Variants in MORC4 observed in about 807,000 individuals in gnomAD.
MORC4 encodes the protein MORC family CW-type zinc finger protein 4.
In MORC4, 22 loss-of-function variants were observed where a neutral mutation model predicts 65.5. The ratio of observed to expected loss-of-function variants is 0.34; its 90% CI spans 0.24 to 0.48. The LOEUF (loss-of-function observed/expected upper bound fraction) is 0.48, where lower values mean the gene tolerates loss of function less well. Ranked by LOEUF, MORC4 falls within the 20% of genes least tolerant of loss-of-function variation. The pLI, the probability that MORC4 is intolerant of heterozygous loss-of-function variation, is 0.99. For missense variants in MORC4, 624 were observed against 703.0 expected (o/e 0.89, Z 1.27); for synonymous variants, 267 against 255.8 (o/e 1.04, Z -0.42).
intron 8 of MORC4, among the ~76,000 whole-genome samples, chrX:106,977,147 C>T (rs1351476070): frequency 1.8e-5 from 2 of 111,972 alleles, no homozygotes. Flanking sequence ...TTCCCACATA[C>T]ATAGGCCACC....
intron 14 of MORC4, among the ~76,000 whole-genome samples, chrX:106,952,132 C>T (rs1168524593): frequency 1.8e-5 from 2 of 108,933 alleles, no homozygotes; most frequent in East Asian, 2.8e-4. Context: ...TACCCTAGAA[C>T]AGGGCCTTTC....
At chrX:106,964,311 A>AT (rs775081204) in intron 9 of MORC4, among the ~76,000 whole-genome samples, 13 of 112,175 alleles carry the variant, frequency 1.2e-4, no homozygotes, top group African/African-American at 4.2e-4. Context: ...GAACTTGAAG[A>AT]TAAAAAATGG....
chrX:106,980,655 A>G (rs888004555), intron 7 of MORC4, among the ~76,000 whole-genome samples: 3 of 111,481 alleles, frequency 2.7e-5, no homozygotes, highest in African/African-American at 9.8e-5. Context: ...CTGAACCAGA[A>G]TCTCCAAAGT....
At chrX:106,997,983 T>C (rs1345155667) in intron 2 of MORC4, among the ~76,000 whole-genome samples, 1 of 112,387 alleles carries the variant, frequency 8.9e-6, no homozygotes, top group African/African-American at 3.2e-5. Context: ...AGACAAAGCA[T>C]AAACCTTCTG....
Position 106,992,526 on chromosome X carries a change from C to A in MORC4, c.308+704G>T, listed in dbSNP as rs762887864. On this transcript the variant is annotated intron_variant, in intron 3 of 16. Coordinates refer to ENST00000355610, the MANE Select transcript of MORC4 (RefSeq NM_024657.5). Reference sequence around the variant, plus strand: ...TAGTATAAATTTACGTTCTCAACTACAAATGTTTTAAAGTGATTAAATGAA... The same window carrying A: ...TAGTATAAATTTACGTTCTCAACTAAAAATGTTTTAAAGTGATTAAATGAA... 4.4e-5 allele frequency among the ~76,000 whole-genome samples: 5 copies of A among 112,613 alleles called. No homozygotes were observed. In the East Asian group the frequency reaches 1.4e-3, roughly 31 times the overall value.
intron 3 of MORC4, among the ~76,000 whole-genome samples, 157 bp downstream of exon 3, chrX:106,993,073 A>G (rs901556038): frequency 2.7e-5 from 3 of 113,150 alleles, no homozygotes; most frequent in Non-Finnish European, 5.6e-5. Flanking sequence ...GGGAAGGAAC[A>G]GTATTTGTTT....
chrX:106,985,873 T>C lies in MORC4; in HGVS notation c.526+110A>G, dbSNP rs774679592. 1.2e-5 allele frequency: 7 copies of C among 590,691 alleles called. No homozygotes were observed. In the South Asian group the frequency reaches 2.1e-4, roughly 18 times the overall value. The allele number at this position is 590,691 out of a possible 1,213,427, so 48.7% of individuals were successfully genotyped here. A position where few individuals can be genotyped will look rare whatever the true frequency, so the allele number is the denominator to read the frequency against. ...CCCAGTTAAATTTAAGACATTTGAA[T>C]ACCTCTTTTAAAACTTCTGACAGTT... On this transcript the variant is annotated intron_variant, in intron 4 of 16. Transcript: ENST00000355610.
Position 106,980,169 on chromosome X carries a change from G to A in MORC4, c.936+722C>T, listed in dbSNP as rs144332242. ...TTTCAGCCTTTCAAAGATGTTTTCT[G>A]CCCCAAAAGCCATCAACAAAGTTGT... is the stretch of plus-strand genomic sequence containing the variant. On this transcript the variant is annotated intron_variant, in intron 7 of 16. Transcript: ENST00000355610. Among the ~76,000 whole-genome samples the A allele has an allele frequency of 6.7e-3, 743 of 110,803 alleles. 6 individuals are homozygous for A. Among genetic ancestry groups the A allele is most frequent in the Non-Finnish European group, 0.011 (593 of 52,735 alleles).
rs762308878 is a variant in MORC4 at position 106,985,083 on chromosome X, T to C, written c.674+13A>G. 1 of 1,170,287 alleles carries C rather than the reference T, an allele frequency of 8.5e-7. No homozygotes were observed. The highest frequency in any genetic ancestry group is 1.2e-6 in the Non-Finnish European group (1 of 868,801). ...TTTGTTTATTAGAATCTATCACCCT[T>C]GGAATACTATACCTGCGGATGTTCC... On this transcript the variant is annotated intron_variant, in intron 5 of 16. Transcript: ENST00000355610.
chrX:106,990,879 A>AT lies in MORC4; in HGVS notation c.308+2350dup, dbSNP rs951783170. Among the ~76,000 whole-genome samples the AT allele has an allele frequency of 1.2e-4, 13 of 110,413 alleles. No homozygotes were observed. The East Asian group carries it at 1.4e-3, about 12-fold the overall frequency. On this transcript the variant is annotated intron_variant, in intron 3 of 16. Transcript: ENST00000355610. ...AAGAGTGAAACTCCATCTCAAAAAA[A>AT]TTTTTTTTTAATTAAAAAAAAAGGT... is the stretch of plus-strand genomic sequence containing the variant.
chrX:106,941,855 T>C, intron 16 of MORC4, 83 bp downstream of exon 16: 1 of 1,023,430 alleles, frequency 9.8e-7, no homozygotes, highest in Non-Finnish European at 1.3e-6. Context: ...GCTTCCTCCT[T>C]TGTCTACGGC....
chrX:106,955,797 T>TTAC (rs1175296375), intron 13 of MORC4, among the ~76,000 whole-genome samples: 2 of 111,029 alleles, frequency 1.8e-5, no homozygotes. Context: ...CCTACCCTGA[T>TTAC]TGAGTGAGTG....
chrX:106,949,461 CATA>C lies in MORC4; in HGVS notation c.1685+5449_1685+5451del, dbSNP rs755381497. ...CACTTCCCTGTTTCTCTTCATGTTT[CATA>C]ATTTTTGTTGACAACTGGACATTTT... is the stretch of plus-strand genomic sequence containing the variant. On this transcript the variant is annotated intron_variant, in intron 14 of 16. Coordinates refer to ENST00000355610, the MANE Select transcript of MORC4 (RefSeq NM_024657.5). Among the ~76,000 whole-genome samples, 348 of 112,241 alleles carry C rather than the reference CATA, an allele frequency of 3.1e-3. 4 individuals are homozygous for C. Among genetic ancestry groups the C allele is most frequent in the African/African-American group, 9.6e-3 (298 of 30,924 alleles).
At position 106,995,085 on chromosome X, in the gene MORC4, A is replaced by G. The variant is rs755773575; in HGVS notation, c.176-1723T>C. Among the ~76,000 whole-genome samples, 4 of 111,525 alleles carry G rather than the reference A, an allele frequency of 3.6e-5. No homozygotes were observed. In the East Asian group the frequency reaches 8.5e-4, roughly 24 times the overall value. The stretch of plus-strand genomic sequence containing the variant: ...ATCCTACAGTGCTATAAAACATTAG[A>G]ACTTATTTCTTTTATCTTAGTTGTA... On this transcript the variant is annotated intron_variant, in intron 2 of 16. Coordinates refer to ENST00000355610, the MANE Select transcript of MORC4 (RefSeq NM_024657.5).
chrX:106,985,154 G>A lies in MORC4; in HGVS notation c.616C>T (p.Gln206Ter). The A allele has an allele frequency of 2.5e-6, 3 of 1,205,739 alleles. No individual in the cohort carries two copies. Among genetic ancestry groups the A allele is most frequent in the Non-Finnish European group, 3.4e-6 (3 of 891,397 alleles). The stretch of plus-strand genomic sequence containing the variant: ...TTTTTGCCTGGGATGGCATCAAACT[G>A]GGCCAGCAGGTCATTTTCACGGTTG... ...IFNRENDLLA[Q>*]FDAIPGKKGT... The change falls in exon 5 of 17, where the codon CAG (glutamine) becomes TAG (stop). Residue 206 changes from glutamine to a stop codon, truncating the protein, a stop_gained. Transcript: ENST00000355610. LOFTEE classifies it high-confidence loss of function.
chrX:106,988,240 A>G (rs953517362), intron 3 of MORC4, among the ~76,000 whole-genome samples: 16 of 111,646 alleles, frequency 1.4e-4, no homozygotes, highest in Admixed American at 1.2e-3. Context: ...CTTATACCAC[A>G]AAAGCTTCAA....
chrX:106,956,491 C>T lies in MORC4; in HGVS notation c.1498G>A (p.Glu500Lys). ...EEKKKMPMENENHQVFSNPPK... is the reference protein window; with the variant it reads ...EEKKKMPMENKNHQVFSNPPK... ...GCACTGCCTCTCACCTGGTGGTTCTCATTTTCCATAGGCATCTTCTTCTTC... is the reference window on the plus strand; with the variant it reads ...GCACTGCCTCTCACCTGGTGGTTCTTATTTTCCATAGGCATCTTCTTCTTC... The change falls in exon 13 of 17, where the codon GAG becomes AAG. Residue 500 changes from glutamate to lysine, a missense_variant. Transcript: ENST00000355610. The T allele has an allele frequency of 2.5e-6, 3 of 1,207,487 alleles. No individual in the cohort carries two copies. The highest frequency in any genetic ancestry group is 3.4e-6 in the Non-Finnish European group (3 of 891,447).
At chrX:106,950,723 A>G (rs758075232) in intron 14 of MORC4, among the ~76,000 whole-genome samples, 1 of 111,804 alleles carries the variant, frequency 8.9e-6, no homozygotes, top group Non-Finnish European at 1.9e-5. Context: ...ACAAAACAGA[A>G]CTGGAGAGGA....
rs1437597311 is a variant in MORC4 at position 106,942,014 on chromosome X, C to T, written c.2584G>A (p.Glu862Lys). ...EKQELKEKLK[E>K]TETHLEMLQK... ...AGCATTTCCAGGTGTGTCTCTGTTT[C>T]CTTCAGTTTCTCTTTTAACTCTTGC... The change falls in exon 16 of 17, where the codon GAA becomes AAA. Residue 862 changes from glutamate to lysine, a missense_variant. Transcript: ENST00000355610. 20 of 1,209,282 alleles carry T rather than the reference C, an allele frequency of 1.7e-5. No homozygotes were observed. Among genetic ancestry groups the T allele is most frequent in the Non-Finnish European group, 2.0e-5 (18 of 894,896 alleles).
Sources: allele counts gnomAD v4.1 joint callset (sites outside exome capture counted in the v4.1 genomes callset), GRCh38; gene constraint gnomAD v4.1.1; transcripts MANE v1.5; gene names NCBI Gene and HGNC (gene_info 2026-07-23, HGNC 2026-07-21).